TFCP2: variants seen among roughly 807,000 people sequenced by gnomAD.
TFCP2 encodes the protein transcription factor CP2.
Under a neutral mutation model 73.4 loss-of-function variants are expected in TFCP2, and 33 were observed. That is an observed-to-expected ratio of 0.45 (90% confidence interval 0.34 to 0.60). The LOEUF is 0.60. Ranked by LOEUF, TFCP2 falls within the 20% of genes least tolerant of loss-of-function variation. The pLI is 0.01. For synonymous variants in TFCP2, 193 were observed against 211.6 expected (o/e 0.91, Z 0.76); for missense variants, 352 against 604.0 (o/e 0.58, Z 4.37).
chr12:51,172,061 TA>T (rs1219445615), intron 1 of TFCP2, among the ~76,000 whole-genome samples: 7 of 152,240 alleles, frequency 4.6e-5, no homozygotes, highest in Admixed American at 3.9e-4. Flanking sequence ...ATCTGGTTAC[TA>T]ATCAGGGACC....
intron 1 of TFCP2, among the ~76,000 whole-genome samples, chr12:51,148,212 G>C (rs1941340167): frequency 6.6e-6 from 1 of 152,206 alleles, no homozygotes; most frequent in African/African-American, 2.4e-5. Context: ...CAACCACTAG[G>C]AAGAACAGTG....
intron 1 of TFCP2, among the ~76,000 whole-genome samples, chr12:51,151,432 A>G (rs1941421492): frequency 6.6e-6 from 1 of 152,096 alleles, no homozygotes; most frequent in African/African-American, 2.4e-5. Flanking sequence ...AATAAGACCT[A>G]ATTTTTTGTT....
chr12:51,121,296 C>G (rs1162030227), intron 1 of TFCP2, among the ~76,000 whole-genome samples: 1 of 151,398 alleles, frequency 6.6e-6, no homozygotes, highest in Non-Finnish European at 1.5e-5. Flanking sequence ...TGGCGCGCGC[C>G]TAGTCCCAGC....
chr12:51,140,644 G>A, intron 1 of TFCP2, among the ~76,000 whole-genome samples: 1 of 151,378 alleles, frequency 6.6e-6, no homozygotes, highest in East Asian at 1.9e-4. Flanking sequence ...CCAGGCTGGA[G>A]TGTAGTGGTG....
rs753576379 is a variant in TFCP2, at chr12:51,095,237, A to T, written c.*4T>A. ...GCAGCCACTGGGCACGAAACGCCGC[A>T]CTCCTACTTCAGTATGATATGATAG... On this transcript the variant is annotated 3_prime_UTR_variant, in exon 15 of 15. Coordinates refer to ENST00000257915, the MANE Select transcript of TFCP2 (RefSeq NM_005653.5). 2 of 1,613,774 alleles carry T rather than the reference A, an allele frequency of 1.2e-6. No homozygotes were observed. Among genetic ancestry groups the T allele is most frequent in the South Asian group, 2.2e-5 (2 of 91,064 alleles).
At chr12:51,148,328 T>G (rs1268052803) in intron 1 of TFCP2, among the ~76,000 whole-genome samples, 2 of 152,198 alleles carry the variant, frequency 1.3e-5, no homozygotes, top group Non-Finnish European at 2.9e-5. Context: ...AAAAGATACT[T>G]GCACACGCAT....
Position 51,127,257 on chromosome 12 carries a change from C to A in TFCP2, c.123-8485G>T, listed in dbSNP as rs368575733. 6.6e-5 allele frequency among the ~76,000 whole-genome samples: 10 copies of A among 152,092 alleles called. No individual in the cohort carries two copies. The East Asian group carries it at 7.7e-4, about 12-fold the overall frequency. ...CTCTGAGAACAGGCTTCAACCAGAC[C>A]TAAGGCTGAGGTGCTAAAGACAGGA... On this transcript the variant is annotated intron_variant, in intron 1 of 14. Coordinates refer to ENST00000257915, the MANE Select transcript of TFCP2 (RefSeq NM_005653.5).
intron 1 of TFCP2, among the ~76,000 whole-genome samples, chr12:51,150,333 G>A (rs11169723): frequency 0.084 from 12,833 of 151,964 alleles, 1,754 homozygotes; most frequent in African/African-American, 0.29. Flanking sequence ...CATGAGAATC[G>A]TTTGAACTCG....
intron 1 of TFCP2, chr12:51,125,226 G>A (rs1273053230): frequency 3.3e-6 from 2 of 610,558 alleles, no homozygotes; most frequent in Non-Finnish European, 6.2e-6. Flanking sequence ...ATTGGTTTCT[G>A]TACCCATGGG....
At chr12:51,119,521 T>A (rs571891596) in intron 1 of TFCP2, among the ~76,000 whole-genome samples, 2 of 151,072 alleles carry the variant, frequency 1.3e-5, no homozygotes, top group Admixed American at 1.3e-4. Flanking sequence ...GAGGCCGAGG[T>A]GGGCGGATCA....
chr12:51,138,889 C>T (rs891901904), intron 1 of TFCP2, among the ~76,000 whole-genome samples: 15 of 152,134 alleles, frequency 9.9e-5, no homozygotes, highest in Non-Finnish European at 5.9e-5. Context: ...CCACCAGCCT[C>T]GGCCTCCCAA....
At chr12:51,112,310 G>A (rs995762167) in intron 4 of TFCP2, among the ~76,000 whole-genome samples, 7 of 152,118 alleles carry the variant, frequency 4.6e-5, no homozygotes, top group Non-Finnish European at 1.0e-4. Context: ...TTTGTGTTGG[G>A]AATGTTTAGT....
chr12:51,139,446 C>T (rs1364446975), intron 1 of TFCP2, among the ~76,000 whole-genome samples: 1 of 152,092 alleles, frequency 6.6e-6, no homozygotes, highest in African/African-American at 2.4e-5. Context: ...TCATAGCTCA[C>T]TGCAAGTCTC....
At chr12:51,167,113 A>G (rs1941772406) in intron 1 of TFCP2, among the ~76,000 whole-genome samples, 1 of 152,220 alleles carries the variant, frequency 6.6e-6, no homozygotes. Context: ...CTTATCATGT[A>G]TTCACAATGA....
At chr12:51,128,231 T>C (rs1458048393) in intron 1 of TFCP2, among the ~76,000 whole-genome samples, 2 of 151,948 alleles carry the variant, frequency 1.3e-5, no homozygotes, top group Non-Finnish European at 2.9e-5. Context: ...CAGAAACAAT[T>C]TTCAAAAAGA....
At chr12:51,105,945 G>C (rs566563574) in intron 8 of TFCP2, among the ~76,000 whole-genome samples, 4 of 152,190 alleles carry the variant, frequency 2.6e-5, no homozygotes, top group Admixed American at 2.6e-4. Flanking sequence ...ATTGGAGTAG[G>C]CATCTGTACC....
At chr12:51,106,415 A>G (rs1208526728) in intron 8 of TFCP2, 110 bp downstream of exon 8, 2 of 769,380 alleles carry the variant, frequency 2.6e-6, no homozygotes, top group Non-Finnish European at 4.1e-6. Flanking sequence ...CCATCAAAGA[A>G]CGACCAAATA....
intron 1 of TFCP2, among the ~76,000 whole-genome samples, chr12:51,147,291 C>T (rs1437122657): frequency 2.0e-5 from 3 of 151,576 alleles, no homozygotes; most frequent in Admixed American, 6.6e-5. Flanking sequence ...TGTAGTGAGC[C>T]GAGATTGCGC....
chr12:51,101,760 CT>C (rs910925565), intron 11 of TFCP2, among the ~76,000 whole-genome samples, 174 bp downstream of exon 11: 3 of 152,110 alleles, frequency 2.0e-5, no homozygotes, highest in Non-Finnish European at 2.9e-5. Context: ...TGGGGAATTC[CT>C]TGGACAAAGT....
Sources: gnomAD v4.1 joint callset for allele counts (sites outside exome capture counted in the v4.1 genomes callset) on GRCh38, gnomAD v4.1.1 for gene constraint, MANE v1.5 for transcripts, NCBI Gene and HGNC (gene_info 2026-07-23, HGNC 2026-07-21) for gene names.